Variants in ZNF609 observed in about 807,000 individuals in gnomAD.
ZNF609 encodes zinc finger protein 609.
Under a neutral mutation model 109.5 loss-of-function variants are expected in ZNF609, and 11 were observed. The observed-to-expected ratio is 0.10, with a 90% CI of 0.06 to 0.17. The LOEUF is 0.17. Among genes scored for constraint, ZNF609 ranks in the 10% least tolerant of loss-of-function variants. ZNF609 has a pLI of 1.00. For missense variants in ZNF609, 1,559 were observed against 1,772.4 expected, an observed-to-expected ratio of 0.88 and a Z score of 2.16; for synonymous variants, 646 against 662.0, an observed-to-expected ratio of 0.98 and a Z score of 0.37.
intron 2 of ZNF609, among the ~76,000 whole-genome samples, chr15:64,622,589 TAAG>T (rs1477420846): frequency 4.6e-5 from 7 of 152,158 alleles, no homozygotes; most frequent in Non-Finnish European, 8.8e-5. Flanking sequence ...GGAAGATCAT[TAAG>T]AAGATCATTA....
intron 3 of ZNF609, among the ~76,000 whole-genome samples, chr15:64,634,700 C>G (rs1896146045): frequency 6.6e-6 from 1 of 152,154 alleles, no homozygotes; most frequent in Non-Finnish European, 1.5e-5. Context: ...CAAGCTTTCT[C>G]CACTGTTTAG....
chr15:64,471,507 G>C (rs139638006), intron 1 of ZNF609: 31 of 152,256 alleles, frequency 2.0e-4, no homozygotes, highest in African/African-American at 7.5e-4. Flanking sequence ...TTCATCTAAA[G>C]GTTATTTGGG....
At chr15:64,599,035 A>G (rs968534267) in intron 2 of ZNF609, among the ~76,000 whole-genome samples, 2 of 150,704 alleles carry the variant, frequency 1.3e-5, no homozygotes, top group Non-Finnish European at 3.0e-5. Flanking sequence ...GAATCCTTAA[A>G]AATACTCACA....
chr15:64,499,378 A>G lies in ZNF609; in HGVS notation c.-42A>G. On this transcript the variant is annotated 5_prime_UTR_variant, in exon 2 of 10. Transcript: ENST00000326648. ...AGCTGAAAATAGGAAAGCTGGGGGC[A>G]AGGAAGAGCCTTGAATCTTGAGGTG... The G allele has an allele frequency of 6.3e-7, 1 of 1,589,654 alleles. No homozygotes were observed. The highest frequency in any genetic ancestry group is 8.6e-7 in the Non-Finnish European group (1 of 1,167,636).
At chr15:64,653,046 TC>T (rs1896441447) in intron 3 of ZNF609, 2 of 152,222 alleles carry the variant, frequency 1.3e-5, no homozygotes, top group African/African-American at 4.8e-5. Flanking sequence ...CTGTGGCTCT[TC>T]CTAGACAGGG....
intron 3 of ZNF609, among the ~76,000 whole-genome samples, chr15:64,648,051 C>T (rs1896360641): frequency 6.6e-6 from 1 of 152,152 alleles, no homozygotes; most frequent in African/African-American, 2.4e-5. Flanking sequence ...CAAAATAAAC[C>T]TACAGGTGTT....
At chr15:64,518,316 G>A (rs909007433) in intron 2 of ZNF609, among the ~76,000 whole-genome samples, 4 of 152,162 alleles carry the variant, frequency 2.6e-5, no homozygotes, top group African/African-American at 9.7e-5. Flanking sequence ...GAGGGCAAAA[G>A]GCTTGTGCCA....
Position 64,683,340 on chromosome 15 carries a change from C to G in ZNF609, c.*1654C>G, listed in dbSNP as rs914744180. On this transcript the variant is annotated 3_prime_UTR_variant, in exon 10 of 10. Transcript: ENST00000326648. ...AAAATGGGAAATAGGGGACAGTAAG[C>G]ACAATGCCCAGTAGTAGTTGATTTC... 2 of 152,652 alleles carry G rather than the reference C, an allele frequency of 1.3e-5. No homozygotes were observed. The highest frequency in any genetic ancestry group is 2.4e-5 in the African/African-American group (1 of 41,440). 9.5% of individuals were successfully genotyped at this position (152,652 alleles called of 1,614,324 possible). A position where few individuals can be genotyped will look rare whatever the true frequency, so the allele number is the denominator to read the frequency against.
chr15:64,629,691 G>T (rs1376803698), intron 3 of ZNF609, among the ~76,000 whole-genome samples: 2 of 152,172 alleles, frequency 1.3e-5, no homozygotes, highest in South Asian at 4.1e-4. Flanking sequence ...GGAAGGCAAA[G>T]AAATTTAGCC....
intron 2 of ZNF609, among the ~76,000 whole-genome samples, chr15:64,536,039 G>A (rs1894136604): frequency 6.6e-6 from 1 of 151,610 alleles, no homozygotes; most frequent in South Asian, 2.1e-4. Context: ...ACTGAGTGAT[G>A]TTTTTTAAAT....
chr15:64,583,646 C>T (rs1022068403), intron 2 of ZNF609, among the ~76,000 whole-genome samples: 20 of 152,280 alleles, frequency 1.3e-4, no homozygotes, highest in Middle Eastern at 3.4e-3. Context: ...TTCATTTCAT[C>T]TCTGTTCTTA....
At chr15:64,565,269 C>T (rs1175368319) in intron 2 of ZNF609, among the ~76,000 whole-genome samples, 1 of 32,582 alleles carries the variant, frequency 3.1e-5, no homozygotes, top group Admixed American at 3.1e-4. Context: ...TTAGTAGAGA[C>T]GGAGTTTCAC....
intron 3 of ZNF609, among the ~76,000 whole-genome samples, chr15:64,626,064 C>A (rs1281344200): frequency 6.6e-6 from 1 of 151,526 alleles, no homozygotes; most frequent in Non-Finnish European, 1.5e-5. Flanking sequence ...ACTGCTTTCA[C>A]CAGGTTTGAG....
intron 2 of ZNF609, among the ~76,000 whole-genome samples, chr15:64,608,724 C>CGTGT (rs34519391): frequency 0.053 from 7,811 of 148,388 alleles, 325 homozygotes; most frequent in Admixed American, 0.14. Context: ...TGCATGCATG[C>CGTGT]GTGTGTGTGT....
chr15:64,500,220 G>T (rs567232795), intron 2 of ZNF609, 54 bp downstream of exon 2: 45 of 1,588,814 alleles, frequency 2.8e-5, no homozygotes, highest in Non-Finnish European at 3.3e-5. Context: ...AACTGCCCTG[G>T]ACTAACTGCC....
intron 2 of ZNF609, among the ~76,000 whole-genome samples, chr15:64,556,092 G>GT: frequency 6.6e-6 from 1 of 150,546 alleles, no homozygotes; most frequent in Non-Finnish European, 1.5e-5. Flanking sequence ...CCAGGCTCAA[G>GT]TAATCCTCCT....
intron 8 of ZNF609, 142 bp from the exon 9 acceptor site, chr15:64,681,167 T>C: frequency 1.3e-6 from 1 of 768,910 alleles, no homozygotes; most frequent in Non-Finnish European, 2.2e-6. Flanking sequence ...AGCTGAGAAA[T>C]AGAGCCTTAT....
Position 64,588,442 on chromosome 15 carries a change from A to AAAAAAAAAG in ZNF609, c.748-34383_748-34382insAAAAAAGAA, listed in dbSNP as rs71133451. On this transcript the variant is annotated intron_variant, in intron 2 of 9. Coordinates refer to ENST00000326648, the MANE Select transcript of ZNF609 (RefSeq NM_015042.2). ...CACTCTGTCTAAAAAAAAAAAAAAA[A>AAAAAAAAAG]AAGAAGAGGAAGACTGTACAGACTA... is the stretch of plus-strand genomic sequence containing the variant. Among the ~76,000 whole-genome samples the AAAAAAAAAG allele has an allele frequency of 1.6e-4, 12 of 75,282 alleles. 2 individuals carry two copies. The highest frequency in any genetic ancestry group is 3.1e-4 in the African/African-American group (6 of 19,518). The allele number at this position is 75,282 out of a possible 152,430, so 49.4% of individuals were successfully genotyped here.
At chr15:64,565,866 TGAGATA>T (rs2140408763) in intron 2 of ZNF609, among the ~76,000 whole-genome samples, 1 of 152,220 alleles carries the variant, frequency 6.6e-6, no homozygotes, top group South Asian at 2.1e-4. Context: ...TTTTATTTTT[TGAGATA>T]GAGTCTCGTT....
Sources: gnomAD v4.1 joint callset for allele counts (sites outside exome capture counted in the v4.1 genomes callset) on GRCh38, gnomAD v4.1.1 for gene constraint, MANE v1.5 for transcripts, NCBI Gene and HGNC (gene_info 2026-07-23, HGNC 2026-07-21) for gene names.